Variants in DPP10 observed in about 807,000 individuals in gnomAD.
The protein encoded by DPP10 is inactive dipeptidyl peptidase 10.
DPP10 carries 33 observed loss-of-function variants against 120.9 expected under a neutral mutation model. The observed-to-expected ratio is 0.27, with a 90% CI of 0.21 to 0.37. DPP10 has a LOEUF of 0.37. Among genes scored for constraint, DPP10 ranks in the 10% least tolerant of loss-of-function variants. The probability of loss-of-function intolerance (pLI) is 1.00; values close to 1 mark genes in which losing one functional copy is unlikely to be tolerated. For missense variants in DPP10, 816 were observed against 942.8 expected (o/e 0.87, Z 1.76); for synonymous variants, 337 against 326.1 (o/e 1.03, Z -0.36).
intron 1 of DPP10, among the ~76,000 whole-genome samples, chr2:115,242,733 G>C (rs1307537504): frequency 2.8e-5 from 4 of 145,192 alleles, no homozygotes; most frequent in Admixed American, 1.4e-4. Context: ...TTGCATTTTT[G>C]GTTTTGATTG....
chr2:115,789,050 G>A (rs1052776489), intron 17 of DPP10, among the ~76,000 whole-genome samples: 9 of 151,882 alleles, frequency 5.9e-5, no homozygotes, highest in East Asian at 1.9e-4. Flanking sequence ...CCTGGGAGGC[G>A]GAGCTTGCAG....
At chr2:115,380,958 T>G (rs186217219) in intron 3 of DPP10, among the ~76,000 whole-genome samples, 4 of 152,174 alleles carry the variant, frequency 2.6e-5, no homozygotes, top group African/African-American at 7.2e-5. Flanking sequence ...GAGGGTAACC[T>G]GACCTTTCTC....
Position 115,547,876 on chromosome 2 carries a change from G to A in DPP10, c.441+21904G>A, listed in dbSNP as rs566528868. Among the ~76,000 whole-genome samples, 3 of 152,026 alleles carry A rather than the reference G, an allele frequency of 2.0e-5. No individual in the cohort carries two copies. The South Asian group carries it at 6.2e-4, about 32-fold the overall frequency. ...ATGAGCACTTATCTAACAGTCTTAA[G>A]TAGAGTTGGCATCTTTCCTTAAGTT... On this transcript the variant is annotated intron_variant, in intron 5 of 25. Transcript: ENST00000410059.
At chr2:115,143,088 A>T (rs1331123199) in intron 1 of DPP10, among the ~76,000 whole-genome samples, 1 of 152,162 alleles carries the variant, frequency 6.6e-6, no homozygotes, top group African/African-American at 2.4e-5. Context: ...TTCTGTGGAT[A>T]CTAAGCCTCA....
chr2:115,649,587 T>TA, intron 5 of DPP10, among the ~76,000 whole-genome samples: 1 of 152,204 alleles, frequency 6.6e-6, no homozygotes, highest in African/African-American at 2.4e-5. Flanking sequence ...CAGACTAATT[T>TA]AAAAATAATC....
At chr2:115,583,550 G>A (rs1191530255) in intron 5 of DPP10, among the ~76,000 whole-genome samples, 1 of 152,146 alleles carries the variant, frequency 6.6e-6, no homozygotes, top group Non-Finnish European at 1.5e-5. Context: ...TGTGGCCTTT[G>A]TGATATGATG....
intron 1 of DPP10, among the ~76,000 whole-genome samples, chr2:115,152,455 T>A (rs1163338735): frequency 6.6e-6 from 1 of 152,234 alleles, no homozygotes; most frequent in Non-Finnish European, 1.5e-5. Context: ...TTTCTGTTGC[T>A]CATTTTTGTA....
intron 1 of DPP10, among the ~76,000 whole-genome samples, chr2:114,452,710 G>C (rs1164439399): frequency 6.6e-6 from 1 of 152,070 alleles, no homozygotes; most frequent in Non-Finnish European, 1.5e-5. Context: ...AAAAGATTAA[G>C]AAATTATAAT....
At chr2:115,023,346 A>G (rs532724912) in intron 1 of DPP10, among the ~76,000 whole-genome samples, 1 of 152,150 alleles carries the variant, frequency 6.6e-6, no homozygotes, top group East Asian at 1.9e-4. Context: ...TGAACAGACA[A>G]TTCTCTAAAA....
At chr2:115,300,735 A>G (rs1335305184) in intron 1 of DPP10, among the ~76,000 whole-genome samples, 3 of 151,586 alleles carry the variant, frequency 2.0e-5, no homozygotes, top group African/African-American at 7.3e-5. Flanking sequence ...CATTTTCTTG[A>G]TTTTCTTTAG....
At chr2:115,118,856 C>T (rs2049672642) in intron 1 of DPP10, among the ~76,000 whole-genome samples, 1 of 151,678 alleles carries the variant, frequency 6.6e-6, no homozygotes, top group African/African-American at 2.4e-5. Context: ...CTTAAGTGAT[C>T]CACCCACCTC....
chr2:114,700,368 C>A (rs766383545), intron 1 of DPP10, among the ~76,000 whole-genome samples: 2 of 151,730 alleles, frequency 1.3e-5, no homozygotes, highest in Non-Finnish European at 2.9e-5. Context: ...TACTTCCCAC[C>A]TTTCCAGGTA....
chr2:114,500,150 G>A (rs565995001), intron 1 of DPP10, among the ~76,000 whole-genome samples: 3 of 152,340 alleles, frequency 2.0e-5, no homozygotes, highest in East Asian at 1.9e-4. Flanking sequence ...CAGAGAATAT[G>A]CCTTAGCCAC....
rs563059998 is a variant in DPP10 at position 115,411,264 on chromosome 2, G to A, written c.271+67352G>A. ...GGAGAATTGCTTGAACCGGGCAGGC[G>A]GAGGTTGCAGTGAGCCGAGATTGCT... On this transcript the variant is annotated intron_variant, in intron 3 of 25. Coordinates refer to ENST00000410059, the MANE Select transcript of DPP10 (RefSeq NM_020868.6). Among the ~76,000 whole-genome samples the A allele has an allele frequency of 5.3e-5, 8 of 152,202 alleles. No individual in the cohort carries two copies. The South Asian group carries it at 1.5e-3, about 28-fold the overall frequency.
At chr2:115,588,158 G>A (rs908797007) in intron 5 of DPP10, among the ~76,000 whole-genome samples, 8 of 152,048 alleles carry the variant, frequency 5.3e-5, no homozygotes, top group African/African-American at 9.7e-5. Flanking sequence ...AATAATTTCT[G>A]CTTATTTGCA....
At chr2:115,009,809 A>G (rs1193027497) in intron 1 of DPP10, among the ~76,000 whole-genome samples, 1 of 152,176 alleles carries the variant, frequency 6.6e-6, no homozygotes, top group Non-Finnish European at 1.5e-5. Context: ...AAGTTACACT[A>G]ATATGACCTT....
chr2:114,769,518 A>C (rs1210147149), intron 1 of DPP10, among the ~76,000 whole-genome samples: 2 of 152,210 alleles, frequency 1.3e-5, no homozygotes, highest in African/African-American at 4.8e-5. Flanking sequence ...AGTATGCATG[A>C]GGAAGCAAGG....
intron 10 of DPP10, among the ~76,000 whole-genome samples, chr2:115,749,025 G>A (rs1298339871): frequency 6.6e-6 from 1 of 152,138 alleles, no homozygotes; most frequent in Non-Finnish European, 1.5e-5. Context: ...TGAAAAGAAT[G>A]TAGCATGGTA....
intron 1 of DPP10, among the ~76,000 whole-genome samples, chr2:114,718,401 A>G (rs1457616086): frequency 1.4e-4 from 6 of 41,670 alleles, no homozygotes; most frequent in Non-Finnish European, 1.6e-4. Context: ...ACTCTGTTTG[A>G]AAAAAAAAAA....
Sources: gnomAD v4.1 joint callset for allele counts (sites outside exome capture counted in the v4.1 genomes callset) on GRCh38, gnomAD v4.1.1 for gene constraint, MANE v1.5 for transcripts, NCBI Gene and HGNC (gene_info 2026-07-23, HGNC 2026-07-21) for gene names.